The following ENOX1 variants were observed in gnomAD, a reference collection of about 807,000 sequenced individuals.
ENOX1 encodes the protein ecto-NOX disulfide-thiol exchanger 1.
ENOX1 carries 42 observed loss-of-function variants against 82.5 expected under a neutral mutation model. The observed-to-expected ratio is 0.51, with a 90% confidence interval of 0.40 to 0.66. ENOX1 has a LOEUF of 0.66. Among genes scored for constraint, ENOX1 ranks in the 30% least tolerant of loss-of-function variants. ENOX1 has a pLI of 0.00. For synonymous variants in ENOX1, 271 were observed against 282.2 expected (o/e 0.96, Z 0.40); for missense variants, 608 against 811.6 (o/e 0.75, Z 3.05).
intron 2 of ENOX1, among the ~76,000 whole-genome samples, chr13:43,621,346 C>G (rs542713839): frequency 1.9e-4 from 29 of 151,920 alleles, no homozygotes; most frequent in Admixed American, 7.9e-4. Flanking sequence ...TTTTATAGGT[C>G]CTGTGTGATT....
At chr13:43,216,117 G>C (rs2041466800) in intron 16 of ENOX1, among the ~76,000 whole-genome samples, 1 of 152,160 alleles carries the variant, frequency 6.6e-6, no homozygotes, top group African/African-American at 2.4e-5. Context: ...AGAATCGCTT[G>C]AACCTGGGAG....
At chr13:43,345,003 A>G (rs1181494870) in intron 8 of ENOX1, among the ~76,000 whole-genome samples, 1 of 152,058 alleles carries the variant, frequency 6.6e-6, no homozygotes, top group Non-Finnish European at 1.5e-5. Context: ...GCTGTAGGAG[A>G]TTTGTTCTGG....
chr13:43,673,765 C>T (rs919840112), intron 1 of ENOX1, among the ~76,000 whole-genome samples: 1 of 152,200 alleles, frequency 6.6e-6, no homozygotes, highest in African/African-American at 2.4e-5. Flanking sequence ...TATTTGTGTG[C>T]TTGTGTGTGC....
chr13:43,544,037 C>G (rs901062363), intron 2 of ENOX1: 6 of 151,064 alleles, frequency 4.0e-5, no homozygotes, highest in Non-Finnish European at 8.8e-5. Flanking sequence ...CTGCCTCAGC[C>G]TCCTAAGTAG....
intron 2 of ENOX1, among the ~76,000 whole-genome samples, chr13:43,522,747 G>T (rs1360121396): frequency 6.6e-6 from 1 of 152,074 alleles, no homozygotes; most frequent in Non-Finnish European, 1.5e-5. Context: ...TCATGCTACT[G>T]TAAAAAAATA....
intron 2 of ENOX1, among the ~76,000 whole-genome samples, chr13:43,539,852 G>C (rs143513848): frequency 1.3e-3 from 199 of 151,998 alleles, no homozygotes; most frequent in African/African-American, 4.1e-3. Flanking sequence ...CTAAAACTTT[G>C]AGATTATTTT....
chr13:43,545,789 A>T (rs1566497461), intron 2 of ENOX1: 1 of 152,190 alleles, frequency 6.6e-6, no homozygotes, highest in African/African-American at 2.4e-5. Context: ...TCAGAAGAAG[A>T]TGTCTCCTCC....
chr13:43,609,921 T>C, intron 2 of ENOX1: 1 of 981,148 alleles, frequency 1.0e-6, no homozygotes, highest in African/African-American at 1.7e-5. Flanking sequence ...TCTGTCCATC[T>C]GGAGAAGAGC....
chr13:43,359,800 T>A (rs765902364), intron 7 of ENOX1, 51 bp downstream of exon 7: 1 of 1,540,192 alleles, frequency 6.5e-7, no homozygotes, highest in Non-Finnish European at 9.0e-7. Context: ...CATATTAACA[T>A]CACAAAACAT....
chr13:43,595,956 T>C (rs2081453013), intron 2 of ENOX1, among the ~76,000 whole-genome samples: 1 of 152,160 alleles, frequency 6.6e-6, no homozygotes, highest in South Asian at 2.1e-4. Flanking sequence ...TAATTGTTTC[T>C]AAGAATTCCT....
chr13:43,533,250 AG>A (rs2078308278), intron 2 of ENOX1, among the ~76,000 whole-genome samples: 1 of 152,132 alleles, frequency 6.6e-6, no homozygotes, highest in Admixed American at 6.6e-5. Context: ...ATTGAAGAAG[AG>A]GATCTAGGAC....
chr13:43,674,893 A>T (rs1202331155), intron 1 of ENOX1, among the ~76,000 whole-genome samples: 1 of 152,154 alleles, frequency 6.6e-6, no homozygotes, highest in African/African-American at 2.4e-5. Flanking sequence ...GCCAACCTAA[A>T]ACTGCCCCTC....
chr13:43,507,536 G>A (rs1455083120), intron 2 of ENOX1, among the ~76,000 whole-genome samples: 1 of 151,992 alleles, frequency 6.6e-6, no homozygotes, highest in East Asian at 1.9e-4. Context: ...TAACTTATAT[G>A]TCTTAATCTA....
rs576856679 is a variant in ENOX1, at chr13:43,775,742, G to T, written c.-285+10910C>A. Among the ~76,000 whole-genome samples, 28 of 152,076 alleles carry T rather than the reference G, an allele frequency of 1.8e-4. No individual in the cohort carries two copies. In the South Asian group the frequency reaches 4.3e-3, roughly 24 times the overall value. On this transcript the variant is annotated intron_variant, in intron 1 of 16. Coordinates refer to ENST00000690772, the MANE Select transcript of ENOX1 (RefSeq NM_001347969.2). ...GGAGAAAGAATGAAGCTGCTAGGGG[G>T]GCCTACACGGTTGCAACCAATAAAA...
intron 2 of ENOX1, among the ~76,000 whole-genome samples, chr13:43,616,171 T>TAG (rs373367551): frequency 0.026 from 175 of 6,656 alleles, 18 homozygotes; most frequent in Non-Finnish European, 0.068. Flanking sequence ...TCTATCTATC[T>TAG]ATCTATCTAT....
chr13:43,458,076 C>G (rs1162139876), intron 3 of ENOX1, among the ~76,000 whole-genome samples: 1 of 152,188 alleles, frequency 6.6e-6, no homozygotes, highest in Non-Finnish European at 1.5e-5. Context: ...ATGTAGTCCT[C>G]TATCCTCTGT....
At chr13:43,667,782 C>T (rs2085060355) in intron 1 of ENOX1, among the ~76,000 whole-genome samples, 1 of 152,162 alleles carries the variant, frequency 6.6e-6, no homozygotes, top group Non-Finnish European at 1.5e-5. Context: ...TCCGAACTGT[C>T]AATCTTTCAA....
chr13:43,639,789 G>A (rs367657552), intron 2 of ENOX1, among the ~76,000 whole-genome samples: 28 of 152,278 alleles, frequency 1.8e-4, no homozygotes, highest in African/African-American at 6.7e-4. Context: ...AGCAGTTTGG[G>A]AGGCCGAGGC....
intron 2 of ENOX1, among the ~76,000 whole-genome samples, chr13:43,596,313 C>T (rs1365467089): frequency 6.6e-6 from 1 of 152,176 alleles, no homozygotes; most frequent in Non-Finnish European, 1.5e-5. Flanking sequence ...CATTTAACAC[C>T]ACCACAGGCC....
Sources: allele counts gnomAD v4.1 joint callset (sites outside exome capture counted in the v4.1 genomes callset), GRCh38; gene constraint gnomAD v4.1.1; transcripts MANE v1.5; gene names NCBI Gene and HGNC (gene_info 2026-07-23, HGNC 2026-07-21).